Variants in AURKA observed in about 807,000 individuals in gnomAD.
AURKA encodes aurora kinase A, also known as aurora 2.
Under a neutral mutation model 40.9 loss-of-function variants are expected in AURKA, and 12 were observed. That is an observed-to-expected ratio of 0.29 (90% CI 0.19 to 0.48). The LOEUF (loss-of-function observed/expected upper bound fraction) is 0.48, where lower values mean the gene tolerates loss of function less well. Among genes scored for constraint, AURKA ranks in the 20% least tolerant of loss-of-function variants. The pLI, the probability that AURKA is intolerant of heterozygous loss-of-function variation, is 0.99. For synonymous variants in AURKA, 170 were observed against 164.3 expected, an observed-to-expected ratio of 1.03 and a Z score of -0.26; for missense variants, 322 against 462.1, an observed-to-expected ratio of 0.70 and a Z score of 2.78.
At chr20:56,384,168 T>C (rs1986077026) in intron 4 of AURKA, 102 bp downstream of exon 4, 4 of 860,298 alleles carry the variant, frequency 4.6e-6, no homozygotes, top group Non-Finnish European at 5.6e-6. Flanking sequence ...TAAATGCAAA[T>C]AAAGGCCTCA....
intron 1 of AURKA, among the ~76,000 whole-genome samples, chr20:56,391,361 A>G (rs1184127192): frequency 6.6e-6 from 1 of 152,248 alleles, no homozygotes; most frequent in Non-Finnish European, 1.5e-5. Flanking sequence ...GTTCTTAGAA[A>G]TGGAGACTCT....
chr20:56,370,667 CGGA>C lies in AURKA; in HGVS notation c.855-11_855-9del, dbSNP rs762209041. The C allele has an allele frequency of 6.2e-7, 1 of 1,614,108 alleles. No individual in the cohort carries two copies. The highest frequency in any genetic ancestry group is 8.5e-7 in the Non-Finnish European group (1 of 1,180,000). ...CCACAGAGAGTGGTCCTCCTGAAAA[CGGA>C]GGGAGGCTCAGGTTGATGTGCTTCT... On this transcript the variant is annotated splice_polypyrimidine_tract_variant and intron_variant, in intron 7 of 8. Coordinates refer to ENST00000395915, the MANE Select transcript of AURKA (RefSeq NM_198437.3).
At chr20:56,382,949 G>T in intron 5 of AURKA, 36 bp downstream of exon 5, 1 of 1,609,582 alleles carries the variant, frequency 6.2e-7, no homozygotes, top group Non-Finnish European at 8.5e-7. Context: ...TGCAGCATTG[G>T]TGAACATTCT....
intron 6 of AURKA, among the ~76,000 whole-genome samples, chr20:56,375,089 G>A (rs192632688): frequency 8.5e-4 from 129 of 151,980 alleles, no homozygotes; most frequent in African/African-American, 2.7e-3. Context: ...AGTCCCTATC[G>A]CTAAGATTTA....
rs1022155570 is a variant in AURKA at position 56,384,323 on chromosome 20, T to A, written c.321A>T (p.Glu107Asp). Residue 107 changes from glutamate (E) to aspartate (D), a missense_variant and splice_region_variant, in exon 4 of 9, where the codon GAA (glutamate) becomes GAT (aspartate). By Grantham distance (45) the Glu-to-Asp change is conservative. Transcript: ENST00000395915. Reference protein sequence around the residue: ...KSKQPLPSAPENNPEEELASK... With the variant: ...KSKQPLPSAPDNNPEEELASK... ...ATGCCAGTTCCTCCTCAGGATTATT[T>A]TCTATATGGAATAAGTTAAAAACCT... 6.3e-7 allele frequency: 1 copy of A among 1,594,712 alleles called. No individual in the cohort carries two copies. The highest frequency in any genetic ancestry group is 1.7e-5 in the Admixed American group (1 of 59,970).
intron 2 of AURKA, among the ~76,000 whole-genome samples, chr20:56,387,945 A>G (rs1250841374): frequency 6.6e-6 from 1 of 152,216 alleles, no homozygotes; most frequent in Non-Finnish European, 1.5e-5. Flanking sequence ...TAGAAACTTA[A>G]GCAGCCGATT....
chr20:56,370,022 G>A lies in AURKA; in HGVS notation c.*136C>T, dbSNP rs1271737526. ...TGAATAGGGAGGTTAAGGCACACCT[G>A]CTGAGTAAAACAAATATTTCTTGTG... On this transcript the variant is annotated 3_prime_UTR_variant, in exon 9 of 9. Coordinates refer to ENST00000395915, the MANE Select transcript of AURKA (RefSeq NM_198437.3). 1 of 1,136,490 alleles carries A rather than the reference G, an allele frequency of 8.8e-7. No individual in the cohort carries two copies. Among genetic ancestry groups the A allele is most frequent in the African/African-American group, 1.5e-5 (1 of 65,590 alleles). The allele number at this position is 1,136,490 out of a possible 1,614,324, so 70.4% of individuals were successfully genotyped here. A position where few individuals can be genotyped will look rare whatever the true frequency, so the allele number is the denominator to read the frequency against.
intron 6 of AURKA, among the ~76,000 whole-genome samples, chr20:56,374,230 T>C (rs565585693): frequency 4.6e-5 from 7 of 152,252 alleles, no homozygotes; most frequent in Admixed American, 4.6e-4. Flanking sequence ...CAACCTAAAG[T>C]TACAACACCA....
chr20:56,370,062 G>A lies in AURKA; in HGVS notation c.*96C>T. The A allele has an allele frequency of 6.9e-7, 1 of 1,449,806 alleles. No individual in the cohort carries two copies. The allele number at this position is 1,449,806 out of a possible 1,614,324, so 89.8% of individuals were successfully genotyped here. On this transcript the variant is annotated 3_prime_UTR_variant, in exon 9 of 9. Transcript: ENST00000395915. ...TATTTCTTGTGTAGCGTTCTAGATTGAGGGCAGCAGTCAATGGTAAAATAA... is the reference window on the plus strand; with the variant it reads ...TATTTCTTGTGTAGCGTTCTAGATTAAGGGCAGCAGTCAATGGTAAAATAA...
Position 56,384,133 on chromosome 20 carries a change from G to A in AURKA, c.374+137C>T, listed in dbSNP as rs988036798. The A allele has an allele frequency of 2.3e-5, 14 of 612,316 alleles. No homozygotes were observed. In the African/African-American group the frequency reaches 2.4e-4, roughly 11 times the overall value. 37.9% of individuals were successfully genotyped at this position (612,316 alleles called of 1,614,324 possible). On this transcript the variant is annotated intron_variant, in intron 4 of 8. Coordinates refer to ENST00000395915, the MANE Select transcript of AURKA (RefSeq NM_198437.3). ...CAAAATTCCATTTTTTTTAAGATTGGAAATCTGGAAACATTTATATCCTCT... is the reference window on the plus strand; with the variant it reads ...CAAAATTCCATTTTTTTTAAGATTGAAAATCTGGAAACATTTATATCCTCT...
At chr20:56,377,521 G>A (rs559168324) in intron 6 of AURKA, among the ~76,000 whole-genome samples, 1 of 152,338 alleles carries the variant, frequency 6.6e-6, no homozygotes, top group South Asian at 2.1e-4. Context: ...GGGCGCAGTG[G>A]CTCACGCCTA....
intron 6 of AURKA, 140 bp downstream of exon 6, chr20:56,381,293 G>A (rs1296282316): frequency 1.9e-6 from 2 of 1,076,968 alleles, no homozygotes; most frequent in African/African-American, 1.6e-5. Flanking sequence ...AAGCTATTTT[G>A]ATTTTTCCAC....
At chr20:56,382,860 G>A (rs1985898139) in intron 5 of AURKA, 125 bp downstream of exon 5, 2 of 989,316 alleles carry the variant, frequency 2.0e-6, no homozygotes, top group Non-Finnish European at 1.6e-6. Context: ...ACGGGGCCAT[G>A]CATTTGAAGG....
intron 3 of AURKA, among the ~76,000 whole-genome samples, chr20:56,385,084 T>A (rs960391584): frequency 6.6e-6 from 1 of 152,222 alleles, no homozygotes; most frequent in Admixed American, 6.5e-5. Flanking sequence ...TCTTTATTCA[T>A]CTTTCAGGTA....
intron 6 of AURKA, among the ~76,000 whole-genome samples, chr20:56,376,046 C>T (rs1196928870): frequency 6.6e-6 from 1 of 152,166 alleles, no homozygotes; most frequent in Non-Finnish European, 1.5e-5. Context: ...TAGATTGAAG[C>T]CTTGGGTGTA....
At chr20:56,385,753 G>A (rs756799154) in intron 3 of AURKA, among the ~76,000 whole-genome samples, 4 of 152,118 alleles carry the variant, frequency 2.6e-5, no homozygotes, top group Non-Finnish European at 4.4e-5. Flanking sequence ...GAGCCACTGC[G>A]CCTGGCCTTC....
chr20:56,376,935 C>G (rs1252045281), intron 6 of AURKA, among the ~76,000 whole-genome samples: 1 of 152,098 alleles, frequency 6.6e-6, no homozygotes, highest in African/African-American at 2.4e-5. Flanking sequence ...CAAAAATTAG[C>G]TGGGCGTGGT....
intron 6 of AURKA, among the ~76,000 whole-genome samples, chr20:56,374,016 TAC>T (rs11467339): frequency 0.29 from 43,251 of 146,970 alleles, 6,330 homozygotes; most frequent in East Asian, 0.54. Flanking sequence ...TATAGGAGTC[TAC>T]ACACACACAC....
rs904217268 is a variant in AURKA at position 56,370,777 on chromosome 20, C to G, written c.855-118G>C. ...TCTTCCCCTGGGCCAGATCCTGTGC[C>G]CTAGGAAGTAGCTACTATTATAAAT... On this transcript the variant is annotated intron_variant, in intron 7 of 8. Coordinates refer to ENST00000395915, the MANE Select transcript of AURKA (RefSeq NM_198437.3). The G allele has an allele frequency of 1.8e-5, 19 of 1,078,778 alleles. No individual in the cohort carries two copies. The South Asian group carries it at 2.9e-4, about 16-fold the overall frequency. The allele number at this position is 1,078,778 out of a possible 1,614,324, so 66.8% of individuals were successfully genotyped here. A position where few individuals can be genotyped will look rare whatever the true frequency, so the allele number is the denominator to read the frequency against.
Sources: gnomAD v4.1 joint callset for allele counts (sites outside exome capture counted in the v4.1 genomes callset) on GRCh38, gnomAD v4.1.1 for gene constraint, MANE v1.5 for transcripts, NCBI Gene and HGNC (gene_info 2026-07-23, HGNC 2026-07-21) for gene names.